The following TRIM24 variants were observed in gnomAD, a reference collection of about 807,000 sequenced individuals.
TRIM24 encodes the protein transcription intermediary factor 1-alpha.
TRIM24 carries 29 observed loss-of-function variants against 123.9 expected under a neutral mutation model. The ratio of observed to expected loss-of-function variants is 0.23; its 90% CI spans 0.17 to 0.32. The LOEUF (loss-of-function observed/expected upper bound fraction) is 0.32, where lower values mean the gene tolerates loss of function less well. Ranked by LOEUF, TRIM24 falls within the 10% of genes least tolerant of loss-of-function variation. TRIM24 has a pLI of 1.00. For missense variants in TRIM24, 932 were observed against 1,295.3 expected (o/e 0.72, Z 4.31); for synonymous variants, 456 against 461.1 (o/e 0.99, Z 0.14).
chr7:138,534,230 C>A (rs923916856), intron 6 of TRIM24, among the ~76,000 whole-genome samples: 3 of 152,048 alleles, frequency 2.0e-5, no homozygotes, highest in Admixed American at 1.3e-4. Context: ...CTGCTCTGAT[C>A]TTAGTTATTT....
intron 2 of TRIM24, among the ~76,000 whole-genome samples, chr7:138,508,692 T>TGTGTGTGTGTGTGTGC (rs1422176564): frequency 7.3e-6 from 1 of 137,214 alleles, no homozygotes; most frequent in African/African-American, 2.8e-5. Context: ...TGTGTGTGTG[T>TGTGTGTGTGTGTGTGC]GCGCGCGCGT....
At chr7:138,549,424 G>A (rs1382709758) in intron 7 of TRIM24, among the ~76,000 whole-genome samples, 1 of 152,092 alleles carries the variant, frequency 6.6e-6, no homozygotes, top group African/African-American at 2.4e-5. Flanking sequence ...GCCCTTACTG[G>A]GGAGTTCAAA....
At chr7:138,524,342 T>C (rs1020533947) in intron 4 of TRIM24, among the ~76,000 whole-genome samples, 1 of 152,130 alleles carries the variant, frequency 6.6e-6, no homozygotes, top group African/African-American at 2.4e-5. Flanking sequence ...GACCATTTCA[T>C]GTAACCTTAT....
intron 11 of TRIM24, among the ~76,000 whole-genome samples, chr7:138,572,977 T>C (rs1797687520): frequency 6.6e-6 from 1 of 152,248 alleles, no homozygotes; most frequent in Non-Finnish European, 1.5e-5. Flanking sequence ...TGTAGATATA[T>C]GGACTTCGTC....
chr7:138,475,647 A>T (rs1795380401), intron 1 of TRIM24, among the ~76,000 whole-genome samples: 1 of 152,050 alleles, frequency 6.6e-6, no homozygotes, highest in African/African-American at 2.4e-5. Context: ...AGCAGCTGGG[A>T]CTACAGGAGC....
intron 1 of TRIM24, among the ~76,000 whole-genome samples, chr7:138,475,928 G>A (rs139394953): frequency 6.6e-6 from 1 of 152,208 alleles, no homozygotes; most frequent in Non-Finnish European, 1.5e-5. Context: ...GTTATTTTGC[G>A]CAAGGTAAAA....
At chr7:138,538,550 T>C (rs1265708422) in intron 6 of TRIM24, 107 bp from the exon 7 acceptor site, 2 of 1,222,608 alleles carry the variant, frequency 1.6e-6, no homozygotes, top group Non-Finnish European at 2.3e-6. Flanking sequence ...TTTCAGTAAA[T>C]TGAGTAATTA....
At chr7:138,580,969 C>A (rs569631405) in intron 16 of TRIM24, among the ~76,000 whole-genome samples, 1 of 152,180 alleles carries the variant, frequency 6.6e-6, no homozygotes, top group East Asian at 1.9e-4. Flanking sequence ...AAGTAAATTT[C>A]TATTTTGTTT....
At chr7:138,536,204 C>T (rs1056891212) in intron 6 of TRIM24, among the ~76,000 whole-genome samples, 1 of 152,240 alleles carries the variant, frequency 6.6e-6, no homozygotes, top group Admixed American at 6.5e-5. Flanking sequence ...CTAAAGCCTT[C>T]TTCTCTCAAC....
At chr7:138,488,273 G>A (rs1227664799) in intron 1 of TRIM24, among the ~76,000 whole-genome samples, 1 of 148,836 alleles carries the variant, frequency 6.7e-6, no homozygotes, top group Non-Finnish European at 1.5e-5. Flanking sequence ...TATCTATTTT[G>A]TTGATCTTTT....
chr7:138,545,789 C>T lies in TRIM24; in HGVS notation c.1144-5274C>T, dbSNP rs555106587. On this transcript the variant is annotated intron_variant, in intron 7 of 18. Coordinates refer to ENST00000343526, the MANE Select transcript of TRIM24 (RefSeq NM_015905.3). ...TGCTCAGAGAATAATGGGGACATGTCAAAGGGAACAGGATTCAGTGTAAAA... is the reference window on the plus strand; with the variant it reads ...TGCTCAGAGAATAATGGGGACATGTTAAAGGGAACAGGATTCAGTGTAAAA... Among the ~76,000 whole-genome samples, 5 of 152,118 alleles carry T rather than the reference C, an allele frequency of 3.3e-5. No homozygotes were observed. The South Asian group carries it at 1.0e-3, about 32-fold the overall frequency.
At chr7:138,503,545 C>T (rs926728076) in intron 1 of TRIM24, among the ~76,000 whole-genome samples, 2 of 150,092 alleles carry the variant, frequency 1.3e-5, no homozygotes, top group African/African-American at 4.9e-5. Context: ...TGTTCTTATG[C>T]ATTTCATTAA....
chr7:138,549,840 C>G (rs151212599), intron 7 of TRIM24, among the ~76,000 whole-genome samples: 1 of 151,974 alleles, frequency 6.6e-6, no homozygotes, highest in East Asian at 1.9e-4. Flanking sequence ...GCAGGCAAGA[C>G]GGGGTGTGCT....
At position 138,533,894 on chromosome 7, in the gene TRIM24, C is replaced by G. The variant is rs528387534; in HGVS notation, c.996+4664C>G. Among the ~76,000 whole-genome samples, 4 of 152,172 alleles carry G rather than the reference C, an allele frequency of 2.6e-5. No individual in the cohort carries two copies. The South Asian group carries it at 8.3e-4, about 32-fold the overall frequency. ...ATTAATTATTGCCTCAATTTCAGAG[C>G]CTGTTATTGGTCTATTCAGGGATTC... is the stretch of plus-strand genomic sequence containing the variant. On this transcript the variant is annotated intron_variant, in intron 6 of 18. Coordinates refer to ENST00000343526, the MANE Select transcript of TRIM24 (RefSeq NM_015905.3).
At chr7:138,493,806 T>C (rs1182075848) in intron 1 of TRIM24, among the ~76,000 whole-genome samples, 7 of 152,172 alleles carry the variant, frequency 4.6e-5, no homozygotes, top group Non-Finnish European at 8.8e-5. Flanking sequence ...GGTTTATGCA[T>C]GCCAGTCTCT....
intron 8 of TRIM24, among the ~76,000 whole-genome samples, chr7:138,551,922 C>A (rs539002935): frequency 9.2e-5 from 14 of 152,234 alleles, no homozygotes; most frequent in African/African-American, 3.4e-4. Context: ...AGATATCTTA[C>A]TAATTGAAGT....
intron 9 of TRIM24, among the ~76,000 whole-genome samples, chr7:138,557,868 G>C (rs562743048): frequency 6.6e-6 from 1 of 152,308 alleles, no homozygotes; most frequent in South Asian, 2.1e-4. Context: ...TGATGCAGTT[G>C]AGCATGTAAA....
At chr7:138,581,667 T>C (rs1197011458) in intron 16 of TRIM24, 30 bp from the exon 17 acceptor site, 1 of 1,545,422 alleles carries the variant, frequency 6.5e-7, no homozygotes, top group African/African-American at 1.4e-5. Context: ...TTATAATATT[T>C]TATCTCAGTT....
At chr7:138,510,440 G>A (rs1163259739) in intron 2 of TRIM24, among the ~76,000 whole-genome samples, 1 of 152,076 alleles carries the variant, frequency 6.6e-6, no homozygotes, top group Non-Finnish European at 1.5e-5. Flanking sequence ...TGTTTTTAAA[G>A]AGAAGGAGTC....
Sources: gnomAD v4.1 joint callset for allele counts (sites outside exome capture counted in the v4.1 genomes callset) on GRCh38, gnomAD v4.1.1 for gene constraint, MANE v1.5 for transcripts, NCBI Gene and HGNC (gene_info 2026-07-23, HGNC 2026-07-21) for gene names.